The following ZFP14 variants were observed in gnomAD, a reference collection of about 807,000 sequenced individuals.
The protein encoded by ZFP14 is zinc finger protein 14 homolog.
Under a neutral mutation model 54.5 loss-of-function variants are expected in ZFP14, and 22 were observed. The observed-to-expected ratio is 0.40, with a 90% CI of 0.29 to 0.58. The LOEUF is 0.58. Among genes scored for constraint, ZFP14 ranks in the 20% least tolerant of loss-of-function variants. ZFP14 has a pLI of 0.39. For missense variants in ZFP14, 470 were observed against 637.8 expected, an observed-to-expected ratio of 0.74 and a Z score of 2.83; for synonymous variants, 159 against 204.0, an observed-to-expected ratio of 0.78 and a Z score of 1.88.
At position 36,354,497 on chromosome 19, in the gene ZFP14, T is replaced by G. The variant is rs1483733362; in HGVS notation, c.235+5938A>C. Among the ~76,000 whole-genome samples the G allele has an allele frequency of 1.4e-5, 2 of 142,236 alleles. 1 individual carries two copies. Among genetic ancestry groups the G allele is most frequent in the Admixed American group, 1.5e-4 (2 of 13,726 alleles). The allele number at this position is 142,236 out of a possible 152,430, so 93.3% of individuals were successfully genotyped here. ...ACCTTTTGAATAAGCATCTTAATCA[T>G]CTTGGGCTTCTTGCAGTTCCTCAAA... On this transcript the variant is annotated intron_variant, in intron 4 of 4. Coordinates refer to ENST00000270001, the MANE Select transcript of ZFP14 (RefSeq NM_020917.3).
chr19:36,372,739 C>T (rs554433100), intron 1 of ZFP14, among the ~76,000 whole-genome samples: 19 of 152,314 alleles, frequency 1.2e-4, no homozygotes, highest in Non-Finnish European at 2.5e-4. Context: ...TCAAAGAGAT[C>T]TCTGCACTTT....
chr19:36,376,567 T>C (rs2031965966), intron 1 of ZFP14, among the ~76,000 whole-genome samples: 1 of 151,246 alleles, frequency 6.6e-6, no homozygotes, highest in Non-Finnish European at 1.5e-5. Context: ...AAAAAAAAAA[T>C]TCTTCGCAGC....
chr19:36,349,804 A>G (rs912628848), intron 4 of ZFP14, among the ~76,000 whole-genome samples: 5 of 151,240 alleles, frequency 3.3e-5, no homozygotes, highest in African/African-American at 1.2e-4. Context: ...AGAGAAGACT[A>G]GTGAATAGAG....
intron 2 of ZFP14, among the ~76,000 whole-genome samples, chr19:36,365,374 A>G (rs1357233803): frequency 6.6e-6 from 1 of 152,022 alleles, no homozygotes; most frequent in East Asian, 1.9e-4. Flanking sequence ...AATTTTCTTC[A>G]ATACTTTTCC....
At chr19:36,373,533 A>G (rs1401017981) in intron 1 of ZFP14, among the ~76,000 whole-genome samples, 2 of 152,176 alleles carry the variant, frequency 1.3e-5, no homozygotes, top group African/African-American at 4.8e-5. Context: ...TAAGACCTGT[A>G]AAGTGTTCTC....
intron 4 of ZFP14, among the ~76,000 whole-genome samples, chr19:36,348,501 T>G (rs536318950): frequency 3.3e-5 from 5 of 152,004 alleles, no homozygotes; most frequent in Non-Finnish European, 5.9e-5. Flanking sequence ...GTCAGGATTT[T>G]GTTTGTTTGT....
chr19:36,348,687 G>GT (rs1486698013), intron 4 of ZFP14, among the ~76,000 whole-genome samples: 1 of 152,092 alleles, frequency 6.6e-6, no homozygotes, highest in African/African-American at 2.4e-5. Flanking sequence ...GGTAGAGACG[G>GT]TTTCATCATG....
At chr19:36,363,259 T>G (rs2031739700) in intron 2 of ZFP14, among the ~76,000 whole-genome samples, 1 of 147,310 alleles carries the variant, frequency 6.8e-6, no homozygotes. Context: ...GGTGGCGTGA[T>G]CTCGGCTCAT....
chr19:36,360,666 T>C lies in ZFP14; in HGVS notation c.137-133A>G, dbSNP rs1255791128. 3 of 715,938 alleles carry C rather than the reference T, an allele frequency of 4.2e-6. No individual in the cohort carries two copies. In the Admixed American group the frequency reaches 9.4e-5, roughly 22 times the overall value. The allele number at this position is 715,938 out of a possible 1,614,324, so 44.3% of individuals were successfully genotyped here. ...CTAGGAGCGAAGAATTGCAAGGGAG[T>C]TGAAGAATGCTCATATTAAGGTAAC... On this transcript the variant is annotated intron_variant, in intron 3 of 4. Coordinates refer to ENST00000270001, the MANE Select transcript of ZFP14 (RefSeq NM_020917.3).
rs1260648076 is a variant in ZFP14 at position 36,335,410 on chromosome 19, G to C, written c.*4814C>G. The C allele has an allele frequency of 6.6e-6, 1 of 152,110 alleles. No individual in the cohort carries two copies. The highest frequency in any genetic ancestry group is 2.4e-5 in the African/African-American group (1 of 41,424). 9.4% of individuals were successfully genotyped at this position (152,110 alleles called of 1,614,324 possible). On this transcript the variant is annotated 3_prime_UTR_variant, in exon 5 of 5. Coordinates refer to ENST00000270001, the MANE Select transcript of ZFP14 (RefSeq NM_020917.3). ...ACTTTATTTAGAATTGTGAAAAATA[G>C]AATCTTCATAATGAAGGTGGTCTAG... is the stretch of plus-strand genomic sequence containing the variant.
chr19:36,347,435 CCTCA>C (rs2031437687), intron 4 of ZFP14, among the ~76,000 whole-genome samples: 1 of 150,454 alleles, frequency 6.6e-6, no homozygotes, highest in African/African-American at 2.4e-5. Context: ...TATGGTGAAA[CCTCA>C]TCTCTACAAA....
Position 36,340,848 on chromosome 19 carries a change from G to A in ZFP14, c.978C>T (p.Asp326=). ...AATGAATTTTCTGATGTACTCTAAGGTCTGGACCACATACGAAGGCTTTCC... is the reference window on the plus strand; with the variant it reads ...AATGAATTTTCTGATGTACTCTAAGATCTGGACCACATACGAAGGCTTTCC... ...ECGKAFVCGP[D]LRVHQKIHFG... Residue 326 remains aspartate, a synonymous_variant, in exon 5 of 5, where the codon GAC becomes GAT. Coordinates refer to ENST00000270001, the MANE Select transcript of ZFP14 (RefSeq NM_020917.3). The surrounding 1 kb of genome is among the most constrained non-coding windows in gnomAD (Gnocchi z 5.4). 6.2e-7 allele frequency: 1 copy of A among 1,611,176 alleles called. No individual in the cohort carries two copies. Among genetic ancestry groups the A allele is most frequent in the Non-Finnish European group, 8.5e-7 (1 of 1,179,294 alleles).
chr19:36,371,986 TGGAGGGAG>T (rs61447686), intron 1 of ZFP14, among the ~76,000 whole-genome samples: 2 of 103,364 alleles, frequency 1.9e-5, no homozygotes, highest in East Asian at 2.9e-4. Flanking sequence ...GAAGGAGGGA[TGGAGGGAG>T]GGAGGGAGGG....
Position 36,351,949 on chromosome 19 carries a change from C to T in ZFP14, c.235+8486G>A, listed in dbSNP as rs541569255. On this transcript the variant is annotated intron_variant, in intron 4 of 4. Transcript: ENST00000270001. ...CTGTAATCCCAGCACTTTGGGAGGC[C>T]GAGGCGGGTGGATCACAAGGTCAGG... Among the ~76,000 whole-genome samples the T allele has an allele frequency of 2.5e-4, 36 of 143,176 alleles. 7 individuals carry two copies. Among genetic ancestry groups the T allele is most frequent in the Non-Finnish European group, 2.2e-4 (14 of 64,356 alleles). 93.9% of individuals were successfully genotyped at this position (143,176 alleles called of 152,430 possible). A position where few individuals can be genotyped will look rare whatever the true frequency, so the allele number is the denominator to read the frequency against.
At chr19:36,371,998 G>GGGAGGGAGGGAAGGAGGGAAGGAA (rs1568474824) in intron 1 of ZFP14, among the ~76,000 whole-genome samples, 1 of 139,750 alleles carries the variant, frequency 7.2e-6, no homozygotes, top group Non-Finnish European at 1.6e-5. Context: ...GAGGGAGGGA[G>GGGAGGGAGGGAAGGAGGGAAGGAA]GGAGGGAAGG....
rs957436899 is a variant in ZFP14 at position 36,335,464 on chromosome 19, A to G, written c.*4760T>C. The G allele has an allele frequency of 6.6e-6, 1 of 152,056 alleles. No individual in the cohort carries two copies. 9.4% of individuals were successfully genotyped at this position (152,056 alleles called of 1,614,324 possible). A position where few individuals can be genotyped will look rare whatever the true frequency, so the allele number is the denominator to read the frequency against. ...TTGCTTTCAGAAACTATCTTCATCT[A>G]ATTTTTATTAGGATTATTTTACCTT... On this transcript the variant is annotated 3_prime_UTR_variant, in exon 5 of 5. Coordinates refer to ENST00000270001, the MANE Select transcript of ZFP14 (RefSeq NM_020917.3).
At chr19:36,370,183 T>C (rs1325407356) in intron 1 of ZFP14, among the ~76,000 whole-genome samples, 1 of 151,954 alleles carries the variant, frequency 6.6e-6, no homozygotes, top group Non-Finnish European at 1.5e-5. Context: ...AAAAGAAGCA[T>C]TGAAGAGTGC....
intron 1 of ZFP14, among the ~76,000 whole-genome samples, chr19:36,375,280 C>T (rs1248253490): frequency 6.6e-6 from 1 of 152,162 alleles, no homozygotes. Context: ...TCCATAAAGA[C>T]CCTGTAGCTT....
chr19:36,346,788 A>G (rs1209281028), intron 4 of ZFP14, among the ~76,000 whole-genome samples: 1 of 152,180 alleles, frequency 6.6e-6, no homozygotes, highest in East Asian at 1.9e-4. Context: ...TTGTTGGCAG[A>G]AGCACTACCT....
Sources: gnomAD v4.1 joint callset for allele counts (sites outside exome capture counted in the v4.1 genomes callset) on GRCh38, gnomAD v4.1.1 for gene constraint, Gnocchi (gnomAD v3.1) non-coding constraint, MANE v1.5 for transcripts, NCBI Gene and HGNC (gene_info 2026-07-23, HGNC 2026-07-21) for gene names.